Variants in ABHD6 observed in about 807,000 individuals in gnomAD.
ABHD6 encodes the protein abhydrolase domain containing 6, acylglycerol lipase, also known as monoacylglycerol lipase ABHD6.
In ABHD6, 33 loss-of-function variants were observed where a neutral mutation model predicts 38.8. The observed-to-expected ratio is 0.85, with a 90% CI of 0.64 to 1.14. ABHD6 has a LOEUF of 1.14. ABHD6 is among the 50% of genes most tolerant of loss of function. The probability of loss-of-function intolerance (pLI) is 0.00; values close to 1 mark genes in which losing one functional copy is unlikely to be tolerated. For synonymous variants in ABHD6, 147 were observed against 161.6 expected (o/e 0.91, Z 0.69); for missense variants, 380 against 422.6 (o/e 0.90, Z 0.88).
rs1449829974 is a variant in ABHD6 at position 58,267,441 on chromosome 3, G to A, written c.276+96G>A. ...GCACTTTGGGAGCCTGAGGCAGGAG[G>A]ATTGCTTGAGTCCAGGAGTTCAAAA... On this transcript the variant is annotated intron_variant, in intron 4 of 9. Coordinates refer to ENST00000478253, the MANE Select transcript of ABHD6 (RefSeq NM_001320126.2). The surrounding 1 kb of genome is among the most constrained non-coding windows in gnomAD (Gnocchi z 4.3). The A allele has an allele frequency of 5.4e-6, 8 of 1,477,192 alleles. No individual in the cohort carries two copies. In the African/African-American group the frequency reaches 9.8e-5, roughly 18 times the overall value. The allele number at this position is 1,477,192 out of a possible 1,614,324, so 91.5% of individuals were successfully genotyped here.
chr3:58,294,509 T>C lies in ABHD6; in HGVS notation c.*744T>C, dbSNP rs2097466013. ...AATAGGCCTAATAAAGCAATAATGT[T>C]CTAGACATCTGTCTAAGTAATCAGA... On this transcript the variant is annotated 3_prime_UTR_variant, in exon 10 of 10. Coordinates refer to ENST00000478253, the MANE Select transcript of ABHD6 (RefSeq NM_001320126.2). The C allele has an allele frequency of 6.6e-6, 1 of 152,618 alleles. No homozygotes were observed. The highest frequency in any genetic ancestry group is 1.5e-5 in the Non-Finnish European group (1 of 68,048). 9.5% of individuals were successfully genotyped at this position (152,618 alleles called of 1,614,324 possible). A position where few individuals can be genotyped will look rare whatever the true frequency, so the allele number is the denominator to read the frequency against.
intron 5 of ABHD6, 75 bp from the exon 6 acceptor site, chr3:58,270,857 G>T: frequency 6.8e-7 from 1 of 1,465,972 alleles, no homozygotes; most frequent in Non-Finnish European, 9.1e-7. Flanking sequence ...AAGTCCAGGG[G>T]GCTTCTATGC....
chr3:58,269,451 A>C lies in ABHD6; in HGVS notation c.390+17A>C. On this transcript the variant is annotated intron_variant, in intron 5 of 9. Coordinates refer to ENST00000478253, the MANE Select transcript of ABHD6 (RefSeq NM_001320126.2). The surrounding 1 kb of genome is among the most constrained non-coding windows in gnomAD (Gnocchi z 4.4). Reference sequence around the variant, plus strand: ...ATACACCAGGTAAGCAGGAGGCTCTACCAAAGATTGCCCAGACTGTCTCAG... The same window carrying C: ...ATACACCAGGTAAGCAGGAGGCTCTCCCAAAGATTGCCCAGACTGTCTCAG... The C allele has an allele frequency of 6.3e-7, 1 of 1,591,740 alleles. No homozygotes were observed. The highest frequency in any genetic ancestry group is 8.6e-7 in the Non-Finnish European group (1 of 1,160,934).
intron 3 of ABHD6, among the ~76,000 whole-genome samples, chr3:58,262,019 C>T (rs538453689): frequency 1.3e-5 from 2 of 152,290 alleles, no homozygotes; most frequent in East Asian, 3.9e-4. Flanking sequence ...AGGAATGACA[C>T]TCTGATTCAT....
rs1038874232 is a variant in ABHD6, at chr3:58,267,037, A to C, written c.120-152A>C. On this transcript the variant is annotated intron_variant, in intron 3 of 9. Coordinates refer to ENST00000478253, the MANE Select transcript of ABHD6 (RefSeq NM_001320126.2). This position sits in a 1 kb window ranked among gnomAD's most constrained non-coding sequence, Gnocchi z 4.3. The stretch of plus-strand genomic sequence containing the variant: ...TTTGTGTTCCTTGAGGGTAAAGCTC[A>C]GGAGGACTCTAGAGACTGATGGAGG... The C allele has an allele frequency of 7.6e-6, 6 of 787,576 alleles. No individual in the cohort carries two copies. Among genetic ancestry groups the C allele is most frequent in the African/African-American group, 1.7e-5 (1 of 57,788 alleles). The allele number at this position is 787,576 out of a possible 1,614,324, so 48.8% of individuals were successfully genotyped here. A position where few individuals can be genotyped will look rare whatever the true frequency, so the allele number is the denominator to read the frequency against.
chr3:58,256,607 C>T lies in ABHD6; in HGVS notation c.21C>T (p.Asn7=). The T allele has an allele frequency of 6.2e-7, 1 of 1,614,148 alleles. No individual in the cohort carries two copies. Among genetic ancestry groups the T allele is most frequent in the African/African-American group, 1.3e-5 (1 of 75,052 alleles). MDLDVV[N]MFVIAGGTLA... Reference sequence around the variant, plus strand: ...GCAGGATGGATCTTGATGTGGTTAACATGTTTGTGATTGCGGGCGGCACGC... The same window carrying T: ...GCAGGATGGATCTTGATGTGGTTAATATGTTTGTGATTGCGGGCGGCACGC... The change falls in exon 3 of 10, where the codon AAC becomes AAT. Residue 7 remains asparagine, a synonymous_variant. Coordinates refer to ENST00000478253, the MANE Select transcript of ABHD6 (RefSeq NM_001320126.2). The surrounding 1 kb of genome is among the most constrained non-coding windows in gnomAD (Gnocchi z 4.3).
At chr3:58,237,952 C>G (rs554680635) in intron 1 of ABHD6, 36 bp downstream of exon 1, 1 of 152,754 alleles carries the variant, frequency 6.5e-6, no homozygotes, top group African/African-American at 2.4e-5. Flanking sequence ...GTGGTGCGCT[C>G]CTAGGGGGAT....
At chr3:58,291,940 A>T (rs1355936060) in intron 9 of ABHD6, among the ~76,000 whole-genome samples, 2 of 151,696 alleles carry the variant, frequency 1.3e-5, no homozygotes, top group African/African-American at 2.4e-5. Flanking sequence ...ACAGAGCGAG[A>T]CCCTGTCTCA....
chr3:58,260,652 AGTGAT>A (rs1199573379), intron 3 of ABHD6, among the ~76,000 whole-genome samples: 1 of 152,206 alleles, frequency 6.6e-6, no homozygotes, highest in Non-Finnish European at 1.5e-5. Flanking sequence ...CTCGGCTGCC[AGTGAT>A]GACCACCAGT....
chr3:58,244,582 TAGAG>T (rs1178037855), intron 1 of ABHD6, among the ~76,000 whole-genome samples: 1 of 151,944 alleles, frequency 6.6e-6, no homozygotes, highest in Non-Finnish European at 1.5e-5. Flanking sequence ...CTGGGTAACA[TAGAG>T]AGACCCCATC....
chr3:58,284,733 G>A (rs1444435448), intron 7 of ABHD6, among the ~76,000 whole-genome samples: 2 of 152,108 alleles, frequency 1.3e-5, no homozygotes, highest in African/African-American at 2.4e-5. Context: ...TTACAGGCAT[G>A]AGCCACCATG....
intron 1 of ABHD6, among the ~76,000 whole-genome samples, chr3:58,242,795 A>G (rs143174552): frequency 5.9e-5 from 9 of 152,326 alleles, no homozygotes; most frequent in East Asian, 1.9e-4. Flanking sequence ...ATATGTATAC[A>G]TGTGCCATGT....
At chr3:58,274,953 C>A in intron 7 of ABHD6, 138 bp downstream of exon 7, 1 of 1,057,246 alleles carries the variant, frequency 9.5e-7, no homozygotes. Context: ...GCAAGTGTCT[C>A]TGCAGTGCCT....
At chr3:58,248,102 A>C (rs1296100524) in intron 1 of ABHD6, among the ~76,000 whole-genome samples, 1 of 152,138 alleles carries the variant, frequency 6.6e-6, no homozygotes, top group Non-Finnish European at 1.5e-5. Context: ...GTGTTAGGGT[A>C]TTACTCTTAT....
chr3:58,243,901 C>T (rs1261583169), intron 1 of ABHD6, among the ~76,000 whole-genome samples: 1 of 152,090 alleles, frequency 6.6e-6, no homozygotes, highest in African/African-American at 2.4e-5. Flanking sequence ...AAGTGATCCA[C>T]CTGCCTTGGC....
At chr3:58,253,832 A>T (rs2097431522) in intron 2 of ABHD6, among the ~76,000 whole-genome samples, 1 of 152,226 alleles carries the variant, frequency 6.6e-6, no homozygotes, top group African/African-American at 2.4e-5. Context: ...GACAGTGCTT[A>T]TGCCCTGGGA....
intron 7 of ABHD6, among the ~76,000 whole-genome samples, chr3:58,277,053 T>C (rs1350811084): frequency 4.6e-5 from 7 of 152,112 alleles, no homozygotes; most frequent in Non-Finnish European, 1.0e-4. Flanking sequence ...AGCTTGGTGC[T>C]TCCAGCTTTG....
chr3:58,268,989 G>T (rs1283760428), intron 4 of ABHD6, among the ~76,000 whole-genome samples: 1 of 152,190 alleles, frequency 6.6e-6, no homozygotes, highest in Non-Finnish European at 1.5e-5. Context: ...TGGAGTAAGT[G>T]TGGAAGGGGT....
chr3:58,247,280 A>G (rs2097427093), intron 1 of ABHD6, among the ~76,000 whole-genome samples: 2 of 152,154 alleles, frequency 1.3e-5, no homozygotes, highest in Non-Finnish European at 2.9e-5. Context: ...CTGGGATTAC[A>G]GGTGTGAGCC....
Sources: allele counts gnomAD v4.1 joint callset (sites outside exome capture counted in the v4.1 genomes callset), GRCh38; gene constraint gnomAD v4.1.1; non-coding constraint Gnocchi (gnomAD v3.1); transcripts MANE v1.5; gene names NCBI Gene and HGNC (gene_info 2026-07-23, HGNC 2026-07-21).